The following PPP2R2D variants were observed in gnomAD, a reference collection of about 807,000 sequenced individuals.
PPP2R2D encodes serine/threonine-protein phosphatase 2A 55 kDa regulatory subunit B delta isoform.
PPP2R2D carries 9 observed loss-of-function variants against 31.1 expected under a neutral mutation model. That is an observed-to-expected ratio of 0.29 (90% CI 0.17 to 0.51). The LOEUF is 0.51. Among genes scored for constraint, PPP2R2D ranks in the 20% least tolerant of loss-of-function variants. PPP2R2D has a pLI of 0.98. For missense variants in PPP2R2D, 391 were observed against 465.6 expected (o/e 0.84, Z 1.48); for synonymous variants, 179 against 172.6 (o/e 1.04, Z -0.29).
chr10:131,939,087 C>A (rs2036395171), intron 3 of PPP2R2D, among the ~76,000 whole-genome samples: 1 of 150,742 alleles, frequency 6.6e-6, no homozygotes, highest in Non-Finnish European at 1.5e-5. Context: ...AGGCTGCATT[C>A]AGCAGACCTG....
chr10:131,965,284 A>G, the PPP2R2D span, among the ~76,000 whole-genome samples: 2 of 152,130 alleles, frequency 1.3e-5, no homozygotes, highest in South Asian at 4.1e-4. Context: ...CGCCAAGAGC[A>G]TGCACCCGCA....
At chr10:131,906,052 G>A (rs1279014481) in intron 2 of PPP2R2D, among the ~76,000 whole-genome samples, 2 of 152,212 alleles carry the variant, frequency 1.3e-5, no homozygotes, top group African/African-American at 4.8e-5. Flanking sequence ...TTGAAGAGTA[G>A]ATACCACAGA....
chr10:131,905,071 C>T (rs1168732867), intron 2 of PPP2R2D, among the ~76,000 whole-genome samples: 1 of 151,768 alleles, frequency 6.6e-6, no homozygotes. Context: ...TCAGACTTCC[C>T]ATCCCCCTGC....
chr10:131,904,203 CAAA>C (rs1308536061), intron 2 of PPP2R2D, among the ~76,000 whole-genome samples: 17 of 117,532 alleles, frequency 1.4e-4, no homozygotes, highest in African/African-American at 3.0e-4. Flanking sequence ...GACTCCGTCT[CAAA>C]AAAAAAAAAA....
chr10:131,961,086 G>C (rs1189660944), downstream of PPP2R2D, among the ~76,000 whole-genome samples: 3 of 152,176 alleles, frequency 2.0e-5, no homozygotes, highest in Non-Finnish European at 4.4e-5. Flanking sequence ...GCCACAGGTG[G>C]GGAGACAATG....
Position 131,958,716 on chromosome 10 carries a change from G to T in PPP2R2D, c.*2753G>T. 1 of 267,348 alleles carries T rather than the reference G, an allele frequency of 3.7e-6. No homozygotes were observed. Among genetic ancestry groups the T allele is most frequent in the Non-Finnish European group, 7.2e-6 (1 of 139,488 alleles). 16.6% of individuals were successfully genotyped at this position (267,348 alleles called of 1,614,324 possible). A position where few individuals can be genotyped will look rare whatever the true frequency, so the allele number is the denominator to read the frequency against. ...TCCTGTGGAGATGAAGGTGTGTGCT[G>T]CTTCCTCGTGCCCCTGTGGAGATGG... is the stretch of plus-strand genomic sequence containing the variant. On this transcript the variant is annotated 3_prime_UTR_variant, in exon 9 of 9. Coordinates refer to ENST00000455566, the MANE Select transcript of PPP2R2D (RefSeq NM_018461.5).
At position 131,956,686 on chromosome 10, in the gene PPP2R2D, A is replaced by G; in HGVS notation, c.*723A>G. 2.0e-6 allele frequency: 1 copy of G among 498,928 alleles called. No homozygotes were observed. Among genetic ancestry groups the G allele is most frequent in the Non-Finnish European group, 2.6e-6 (1 of 385,214 alleles). The allele number at this position is 498,928 out of a possible 1,614,324, so 30.9% of individuals were successfully genotyped here. ...GTATGTGTGCAGCATTTCTGTCCCC[A>G]AGCTGCTGCCCGCTGTGTTTCTGTA... On this transcript the variant is annotated 3_prime_UTR_variant, in exon 9 of 9. Transcript: ENST00000455566.
Position 131,945,867 on chromosome 10 carries a change from T to C in PPP2R2D, c.820+408T>C, listed in dbSNP as rs1449798995. 6.2e-6 allele frequency: 1 copy of C among 161,968 alleles called. No homozygotes were observed. Among genetic ancestry groups the C allele is most frequent in the African/African-American group, 2.4e-5 (1 of 41,738 alleles). 10.0% of individuals were successfully genotyped at this position (161,968 alleles called of 1,614,324 possible). On this transcript the variant is annotated intron_variant, in intron 7 of 8. Coordinates refer to ENST00000455566, the MANE Select transcript of PPP2R2D (RefSeq NM_018461.5). The surrounding 1 kb of genome is among the most constrained non-coding windows in gnomAD (Gnocchi z 4.8). Reference sequence around the variant, plus strand: ...CTTTGCACAACTGGGGAGCCCTCCTTTGCTGGGGCCGTCCGAGTGTGGCTG... The same window carrying C: ...CTTTGCACAACTGGGGAGCCCTCCTCTGCTGGGGCCGTCCGAGTGTGGCTG...
chr10:131,956,382 C>T lies in PPP2R2D; in HGVS notation c.*419C>T. The stretch of plus-strand genomic sequence containing the variant: ...CCTTCACTGCAGCGTGGTGTGGCCA[C>T]CGTCCGTGTCCTCTCGGCCTTCCTC... On this transcript the variant is annotated 3_prime_UTR_variant, in exon 9 of 9. Coordinates refer to ENST00000455566, the MANE Select transcript of PPP2R2D (RefSeq NM_018461.5). The T allele has an allele frequency of 1.0e-6, 1 of 986,508 alleles. No homozygotes were observed. Among genetic ancestry groups the T allele is most frequent in the Non-Finnish European group, 1.2e-6 (1 of 830,704 alleles). 61.1% of individuals were successfully genotyped at this position (986,508 alleles called of 1,614,324 possible). A position where few individuals can be genotyped will look rare whatever the true frequency, so the allele number is the denominator to read the frequency against.
chr10:131,928,284 G>A (rs558256389), intron 2 of PPP2R2D, among the ~76,000 whole-genome samples: 318 of 152,318 alleles, frequency 2.1e-3, no homozygotes, highest in Non-Finnish European at 3.0e-3. Context: ...TGGTGGCCAG[G>A]TGGAGACCAT....
rs1589957133 is a variant in PPP2R2D, at chr10:131,947,114, A to G, written c.821-416A>G. ...TGTGTCTTCCTGTGATGTGTATGCG[A>G]TAGAATTTCACGTGCTCGGGCCTGG... is the stretch of plus-strand genomic sequence containing the variant. On this transcript the variant is annotated intron_variant, in intron 7 of 8. Transcript: ENST00000455566. This position sits in a 1 kb window ranked among gnomAD's most constrained non-coding sequence, Gnocchi z 4.3. Among the ~76,000 whole-genome samples the G allele has an allele frequency of 6.6e-6, 1 of 152,186 alleles. No individual in the cohort carries two copies. Among genetic ancestry groups the G allele is most frequent in the Non-Finnish European group, 1.5e-5 (1 of 68,032 alleles).
intron 8 of PPP2R2D, 127 bp from the exon 9 acceptor site, chr10:131,955,557 T>C (rs1391665623): frequency 2.6e-6 from 2 of 770,028 alleles, no homozygotes; most frequent in African/African-American, 3.6e-5. Context: ...TGATCATTCC[T>C]GATTTCTGAA....
chr10:131,961,758 G>A (rs573667367), downstream of PPP2R2D, among the ~76,000 whole-genome samples: 38 of 152,226 alleles, frequency 2.5e-4, no homozygotes, highest in Admixed American at 1.4e-3. Flanking sequence ...CACAGCGGCT[G>A]CGACTTGCCT....
chr10:131,941,850 C>T (rs1589953235), intron 5 of PPP2R2D, among the ~76,000 whole-genome samples: 1 of 152,058 alleles, frequency 6.6e-6, no homozygotes, highest in African/African-American at 2.4e-5. Context: ...ATGTTGTCAC[C>T]GTATTTCCTA....
At chr10:131,904,911 T>TAG (rs2035558351) in intron 2 of PPP2R2D, among the ~76,000 whole-genome samples, 1 of 152,164 alleles carries the variant, frequency 6.6e-6, no homozygotes, top group Non-Finnish European at 1.5e-5. Context: ...AAACTAATAG[T>TAG]TTTGGGCTGG....
chr10:131,901,518 C>T (rs1318863662), intron 2 of PPP2R2D, among the ~76,000 whole-genome samples, 188 bp downstream of exon 2: 1 of 151,746 alleles, frequency 6.6e-6, no homozygotes, highest in African/African-American at 2.4e-5. Flanking sequence ...CTGTCCCGGC[C>T]CGCGGGGCAC....
rs545674550 is a variant in PPP2R2D at position 131,945,647 on chromosome 10, A to C, written c.820+188A>C. On this transcript the variant is annotated intron_variant, in intron 7 of 8. Transcript: ENST00000455566. This position sits in a 1 kb window ranked among gnomAD's most constrained non-coding sequence, Gnocchi z 4.8. ...GCTAGTTTTTGTATTTTTAGTACAG[A>C]CAGGGTTTCACCATGTTGACCAGAC... The C allele has an allele frequency of 4.6e-6, 3 of 647,938 alleles. No individual in the cohort carries two copies. The East Asian group carries it at 8.6e-5, about 19-fold the overall frequency. The allele number at this position is 647,938 out of a possible 1,614,324, so 40.1% of individuals were successfully genotyped here. A position where few individuals can be genotyped will look rare whatever the true frequency, so the allele number is the denominator to read the frequency against.
intron 2 of PPP2R2D, among the ~76,000 whole-genome samples, chr10:131,925,782 G>A (rs1554894839): frequency 6.6e-6 from 1 of 152,142 alleles, no homozygotes; most frequent in Admixed American, 6.5e-5. Flanking sequence ...AATTTATTAA[G>A]CAAAAGGAAA....
chr10:131,934,737 C>T (rs1401172338), intron 3 of PPP2R2D, among the ~76,000 whole-genome samples, 182 bp downstream of exon 3: 4 of 152,170 alleles, frequency 2.6e-5, no homozygotes, highest in Non-Finnish European at 4.4e-5. Flanking sequence ...TGCTGAGCCC[C>T]GGTGAAGTCT....
Sources: allele counts gnomAD v4.1 joint callset (sites outside exome capture counted in the v4.1 genomes callset), GRCh38; gene constraint gnomAD v4.1.1; non-coding constraint Gnocchi (gnomAD v3.1); transcripts MANE v1.5; gene names NCBI Gene and HGNC (gene_info 2026-07-23, HGNC 2026-07-21).